Variants in XKR9 observed in about 807,000 individuals in gnomAD.
XKR9 encodes the protein XK-related protein 9.
A neutral mutation model predicts 32.0 loss-of-function variants in XKR9; 32 were observed. That is an observed-to-expected ratio of 1.00 (90% confidence interval 0.76 to 1.34). The LOEUF (loss-of-function observed/expected upper bound fraction) is 1.34, where lower values mean the gene tolerates loss of function less well. Ranked by LOEUF, XKR9 falls within the 40% of genes most tolerant of loss-of-function variation. The pLI, the probability that XKR9 is intolerant of heterozygous loss-of-function variation, is 0.00. For missense variants in XKR9, 546 were observed against 429.7 expected (o/e 1.27, Z -2.39); for synonymous variants, 168 against 143.4 (o/e 1.17, Z -1.22).
chr8:70,764,251 C>G (rs1377523382), intron 2 of XKR9, among the ~76,000 whole-genome samples: 1 of 152,176 alleles, frequency 6.6e-6, no homozygotes, highest in Non-Finnish European at 1.5e-5. Flanking sequence ...TCTGCTGGGA[C>G]TGTACCATAT....
the XKR9 span, among the ~76,000 whole-genome samples, chr8:70,800,694 C>T: frequency 2.6e-5 from 4 of 152,078 alleles, no homozygotes; most frequent in Non-Finnish European, 5.9e-5. Flanking sequence ...CCATGTTGGC[C>T]AGGCTTGTTT....
the XKR9 span, among the ~76,000 whole-genome samples, chr8:70,811,145 A>G: frequency 7.6e-4 from 116 of 152,236 alleles, no homozygotes; most frequent in African/African-American, 2.2e-3. Flanking sequence ...CTCACTCAAA[A>G]CCGCTCAACT....
the XKR9 span, among the ~76,000 whole-genome samples, chr8:70,933,436 G>GTTT: frequency 7.0e-6 from 1 of 143,626 alleles, no homozygotes; most frequent in Non-Finnish European, 1.5e-5. Context: ...GGGAAGAACA[G>GTTT]TTTTTTTTTT....
the XKR9 span, among the ~76,000 whole-genome samples, chr8:71,059,622 C>G: frequency 1.3e-5 from 2 of 152,166 alleles, no homozygotes; most frequent in Non-Finnish European, 2.9e-5. Context: ...TGCCTAGAAA[C>G]TGATTAAACT....
the XKR9 span, among the ~76,000 whole-genome samples, chr8:70,885,138 G>A: frequency 6.6e-6 from 1 of 151,678 alleles, no homozygotes; most frequent in East Asian, 1.9e-4. Context: ...GGGTGCTAAT[G>A]TAAGTGATGT....
At chr8:70,728,202 ACTGT>A (rs917938519) in intron 4 of XKR9, among the ~76,000 whole-genome samples, 2 of 152,168 alleles carry the variant, frequency 1.3e-5, no homozygotes, top group Non-Finnish European at 2.9e-5. Flanking sequence ...GGTCTCTTTC[ACTGT>A]CTAAGGTGTA....
the XKR9 span, among the ~76,000 whole-genome samples, chr8:70,903,697 C>T: frequency 6.6e-6 from 1 of 152,102 alleles, no homozygotes; most frequent in African/African-American, 2.4e-5. Context: ...ATTGTGTTTG[C>T]TCTTGCTTCT....
intron 2 of XKR9, among the ~76,000 whole-genome samples, chr8:70,784,410 A>G (rs1018452812): frequency 2.0e-4 from 30 of 151,514 alleles, no homozygotes; most frequent in African/African-American, 7.0e-4. Flanking sequence ...TAGTGTACAG[A>G]TTTTTTTTAC....
the XKR9 span, among the ~76,000 whole-genome samples, chr8:70,889,211 G>C: frequency 6.7e-6 from 1 of 150,254 alleles, no homozygotes; most frequent in South Asian, 2.1e-4. Flanking sequence ...ATTTTTTTTA[G>C]TTATTGTAAA....
chr8:70,865,836 A>G, the XKR9 span, among the ~76,000 whole-genome samples: 1 of 152,226 alleles, frequency 6.6e-6, no homozygotes, highest in African/African-American at 2.4e-5. Flanking sequence ...TTCTGAAAAT[A>G]GAGTCTGAAA....
chr8:70,778,462 AG>A (rs1266339103), intron 2 of XKR9, among the ~76,000 whole-genome samples: 3 of 152,162 alleles, frequency 2.0e-5, no homozygotes, highest in African/African-American at 7.2e-5. Flanking sequence ...ACTTTGAAAT[AG>A]TTTTTTTCCA....
At chr8:70,719,619 A>G (rs1298000529) in intron 4 of XKR9, among the ~76,000 whole-genome samples, 1 of 151,944 alleles carries the variant, frequency 6.6e-6, no homozygotes, top group Non-Finnish European at 1.5e-5. Context: ...CTGTGGTGTT[A>G]TTTCTGAGGC....
chr8:70,773,950 A>G (rs1309260504), intron 2 of XKR9, among the ~76,000 whole-genome samples: 1 of 152,140 alleles, frequency 6.6e-6, no homozygotes, highest in African/African-American at 2.4e-5. Context: ...TTCACTGGAA[A>G]CAGTTTCACA....
At chr8:70,871,513 G>A in the XKR9 span, among the ~76,000 whole-genome samples, 1 of 152,124 alleles carries the variant, frequency 6.6e-6, no homozygotes, top group Non-Finnish European at 1.5e-5. Flanking sequence ...ATGGTGATCA[G>A]CAATCAGTGA....
the XKR9 span, among the ~76,000 whole-genome samples, chr8:71,052,916 C>A: frequency 2.8e-4 from 43 of 152,200 alleles, no homozygotes; most frequent in Non-Finnish European, 1.5e-4. Flanking sequence ...GAATCAGTAA[C>A]CCTGTCTCAG....
chr8:70,773,972 G>C lies in XKR9; in HGVS notation n.353-15367G>C, dbSNP rs141498515. On this transcript the variant is annotated intron_variant and non_coding_transcript_variant, in intron 2 of 3. Transcript: ENST00000520273. The stretch of plus-strand genomic sequence containing the variant: ...GAAACAGTTTCACAGCAATCTGTTG[G>C]CATCATTTTTTAATACTTTTCAATT... Among the ~76,000 whole-genome samples the C allele has an allele frequency of 6.2e-4, 92 of 148,424 alleles. 1 individual carries two copies. Among genetic ancestry groups the C allele is most frequent in the Admixed American group, 5.4e-3 (80 of 14,788 alleles).
the XKR9 span, among the ~76,000 whole-genome samples, chr8:70,798,102 T>C: frequency 3.9e-5 from 6 of 152,226 alleles, no homozygotes; most frequent in Non-Finnish European, 7.3e-5. Flanking sequence ...ATGGTAGTTC[T>C]GTTTTATGTT....
intron 2 of XKR9, among the ~76,000 whole-genome samples, chr8:70,769,870 C>A (rs1033754054): frequency 6.6e-6 from 1 of 151,974 alleles, no homozygotes. Flanking sequence ...AGCTTCCTTG[C>A]ATTGGGTTAG....
At chr8:70,807,440 A>G in the XKR9 span, among the ~76,000 whole-genome samples, 3 of 152,208 alleles carry the variant, frequency 2.0e-5, no homozygotes, top group South Asian at 4.1e-4. Flanking sequence ...AAATGGGCTA[A>G]ACGGCCCAAT....
Sources: gnomAD v4.1 joint callset for allele counts (sites outside exome capture counted in the v4.1 genomes callset) on GRCh38, gnomAD v4.1.1 for gene constraint, MANE v1.5 for transcripts, NCBI Gene and HGNC (gene_info 2026-07-23, HGNC 2026-07-21) for gene names.